Variants in RAD51B observed in about 807,000 individuals in gnomAD.
RAD51B encodes RAD51 paralog B.
RAD51B carries 38 observed loss-of-function variants against 42.2 expected under a neutral mutation model. That is an observed-to-expected ratio of 0.90 (90% confidence interval 0.70 to 1.18). The LOEUF (loss-of-function observed/expected upper bound fraction) is 1.18, where lower values mean the gene tolerates loss of function less well. RAD51B is among the 50% of genes most tolerant of loss of function. The pLI is 0.00. For missense variants in RAD51B, 373 were observed against 400.7 expected, an observed-to-expected ratio of 0.93 and a Z score of 0.59; for synonymous variants, 154 against 145.2, an observed-to-expected ratio of 1.06 and a Z score of -0.43.
chr14:68,578,202 G>C (rs1890049836), intron 10 of RAD51B, among the ~76,000 whole-genome samples: 1 of 152,168 alleles, frequency 6.6e-6, no homozygotes, highest in African/African-American at 2.4e-5. Flanking sequence ...GAGGTGGGCA[G>C]ATCACTTGAG....
At chr14:68,168,166 C>G (rs2078792387) in intron 7 of RAD51B, among the ~76,000 whole-genome samples, 1 of 152,044 alleles carries the variant, frequency 6.6e-6, no homozygotes, top group Non-Finnish European at 1.5e-5. Context: ...TAGGAAGAGG[C>G]TCTAAAGGAC....
At chr14:68,546,639 G>A (rs1044529080) in intron 10 of RAD51B, among the ~76,000 whole-genome samples, 1 of 152,176 alleles carries the variant, frequency 6.6e-6, no homozygotes, top group Admixed American at 6.5e-5. Context: ...AAGGAGAGCA[G>A]ACAGAGTTGA....
intron 7 of RAD51B, among the ~76,000 whole-genome samples, chr14:68,207,047 C>T (rs1477470812): frequency 6.6e-6 from 1 of 152,094 alleles, no homozygotes; most frequent in Non-Finnish European, 1.5e-5. Context: ...GCCTTGGCCT[C>T]CCAAAGTGCT....
At position 67,824,797 on chromosome 14, in the gene RAD51B, G is replaced by A. The variant is rs566509541; in HGVS notation, c.85-667G>A. Among the ~76,000 whole-genome samples the A allele has an allele frequency of 3.3e-5, 5 of 151,428 alleles. No homozygotes were observed. The East Asian group carries it at 5.9e-4, about 18-fold the overall frequency. On this transcript the variant is annotated intron_variant, in intron 2 of 10. Transcript: ENST00000471583. ...TTCTAGCTTAGAAAGAAACTCTTTC[G>A]GCCGGGCACGGTGGCTCACACCTGT...
At chr14:68,179,185 T>C (rs2079013711) in intron 7 of RAD51B, among the ~76,000 whole-genome samples, 1 of 152,156 alleles carries the variant, frequency 6.6e-6, no homozygotes, top group African/African-American at 2.4e-5. Flanking sequence ...AATTACTGTT[T>C]ATTGGTGAGT....
intron 10 of RAD51B, among the ~76,000 whole-genome samples, chr14:68,592,085 G>A (rs1420510027): frequency 2.0e-5 from 3 of 152,112 alleles, no homozygotes; most frequent in South Asian, 2.1e-4. Flanking sequence ...CCAGATGGCC[G>A]TGATACTGTG....
At chr14:68,507,532 C>T (rs1885419132) in intron 10 of RAD51B, among the ~76,000 whole-genome samples, 2 of 152,142 alleles carry the variant, frequency 1.3e-5, no homozygotes, top group African/African-American at 4.8e-5. Flanking sequence ...ACCCCATGAT[C>T]ACACACCTGT....
intron 10 of RAD51B, among the ~76,000 whole-genome samples, chr14:68,515,996 A>G (rs1005549344): frequency 6.6e-6 from 1 of 151,896 alleles, no homozygotes; most frequent in Non-Finnish European, 1.5e-5. Flanking sequence ...CATGTTAGCC[A>G]GGATGGTCTC....
intron 10 of RAD51B, among the ~76,000 whole-genome samples, chr14:68,507,894 A>G (rs1450654357): frequency 6.6e-6 from 1 of 152,176 alleles, no homozygotes; most frequent in Non-Finnish European, 1.5e-5. Context: ...GGTTCCATGG[A>G]GCAGAGAGCC....
At chr14:68,468,615 TGCCCCAGAGCCTTCTTGC>T (rs1220702943) in intron 10 of RAD51B, 14 of 353,780 alleles carry the variant, frequency 4.0e-5, no homozygotes, top group Non-Finnish European at 2.8e-5. Context: ...GAGCCAGTGC[TGCCCCAGAGCCTTCTTGC>T]TTAACAAGCT....
intron 7 of RAD51B, among the ~76,000 whole-genome samples, chr14:67,989,635 C>CAAAA (rs764608072): frequency 0.052 from 3,388 of 64,994 alleles, 159 homozygotes; most frequent in African/African-American, 0.12. Context: ...AACTCTGTCT[C>CAAAA]AAAAAAAAAA....
chr14:68,168,513 TTTAGA>T (rs1300384691), intron 7 of RAD51B, among the ~76,000 whole-genome samples: 1 of 152,148 alleles, frequency 6.6e-6, no homozygotes, highest in African/African-American at 2.4e-5. Context: ...CACTCTGGAA[TTTAGA>T]TTAAACAGCA....
rs145268193 is a variant in RAD51B at position 68,344,579 on chromosome 14, G to A, written c.853+52599G>A. Among the ~76,000 whole-genome samples, 1,120 of 151,800 alleles carry A rather than the reference G, an allele frequency of 7.4e-3. 9 individuals are homozygous for A. Among genetic ancestry groups the A allele is most frequent in the African/African-American group, 0.024 (974 of 41,376 alleles). The stretch of plus-strand genomic sequence containing the variant: ...GGAGAATGGCGTGAACCTGGGAGGC[G>A]GAGCTTGCAGTGAGCAAAGATCACG... On this transcript the variant is annotated intron_variant, in intron 8 of 10. Coordinates refer to ENST00000471583, the MANE Select transcript of RAD51B (RefSeq NM_133510.4).
chr14:68,347,637 A>G (rs538946143), intron 8 of RAD51B, among the ~76,000 whole-genome samples: 16 of 152,374 alleles, frequency 1.1e-4, no homozygotes, highest in African/African-American at 3.8e-4. Context: ...GTGCCACTGC[A>G]CGCCAGCCTG....
At chr14:68,211,646 T>C (rs2079710749) in intron 7 of RAD51B, among the ~76,000 whole-genome samples, 1 of 152,168 alleles carries the variant, frequency 6.6e-6, no homozygotes, top group Non-Finnish European at 1.5e-5. Context: ...AACCATCAGA[T>C]ATCAGAGCAT....
Position 68,464,905 on chromosome 14 carries a change from C to T in RAD51B, c.958-3267C>T, listed in dbSNP as rs963693727. Among the ~76,000 whole-genome samples the T allele has an allele frequency of 1.8e-4, 28 of 152,146 alleles. 1 individual carries two copies. The highest frequency in any genetic ancestry group is 6.5e-4 in the African/African-American group (27 of 41,428). On this transcript the variant is annotated intron_variant, in intron 9 of 10. Transcript: ENST00000471583. ...GACAGTGCATTAATCAGTGACCTGTCCGAACTCTTTGATTTCCGGCAGAGA... is the reference window on the plus strand; with the variant it reads ...GACAGTGCATTAATCAGTGACCTGTTCGAACTCTTTGATTTCCGGCAGAGA...
chr14:68,442,202 C>T (rs965786583), intron 9 of RAD51B, among the ~76,000 whole-genome samples: 2 of 152,156 alleles, frequency 1.3e-5, no homozygotes, highest in Non-Finnish European at 2.9e-5. Context: ...TGCGTCCAGT[C>T]TGCAGGGTCT....
At chr14:68,512,815 A>T (rs1301839187) in intron 10 of RAD51B, among the ~76,000 whole-genome samples, 1 of 152,110 alleles carries the variant, frequency 6.6e-6, no homozygotes, top group Non-Finnish European at 1.5e-5. Flanking sequence ...GAAGCAGGTT[A>T]AGAGATGGCA....
In RAD51B at chr14:68,510,042, C is replaced by A. The variant is rs113531587; in HGVS notation, c.1036+41792C>A. Among the ~76,000 whole-genome samples the A allele has an allele frequency of 2.0e-3, 297 of 152,252 alleles. 2 individuals are homozygous for A. The highest frequency in any genetic ancestry group is 6.9e-3 in the African/African-American group (287 of 41,550). On this transcript the variant is annotated intron_variant, in intron 10 of 10. Transcript: ENST00000487270. ...TTGCCACTGAGTCACAGCTGCAAGACCCTCACCTCCCCCTAGCCCCACTCC... is the reference window on the plus strand; with the variant it reads ...TTGCCACTGAGTCACAGCTGCAAGAACCTCACCTCCCCCTAGCCCCACTCC...
Sources: gnomAD v4.1 joint callset for allele counts (sites outside exome capture counted in the v4.1 genomes callset) on GRCh38, gnomAD v4.1.1 for gene constraint, MANE v1.5 for transcripts, NCBI Gene and HGNC (gene_info 2026-07-23, HGNC 2026-07-21) for gene names.